Variants in CEACAM20 observed in about 807,000 individuals in gnomAD.
CEACAM20 encodes the protein CEA cell adhesion molecule 20.
A neutral mutation model predicts 61.2 loss-of-function variants in CEACAM20; 50 were observed. The observed-to-expected ratio is 0.82, with a 90% confidence interval of 0.65 to 1.03. The LOEUF is 1.03. Among genes scored for constraint, CEACAM20 ranks in the 50% least tolerant of loss-of-function variants. The probability of loss-of-function intolerance (pLI) is 0.00; values close to 1 mark genes in which losing one functional copy is unlikely to be tolerated. For missense variants in CEACAM20, 683 were observed against 736.4 expected (o/e 0.93, Z 0.84); for synonymous variants, 282 against 287.7 (o/e 0.98, Z 0.20).
chr19:44,517,502 T>C (rs1280591031), intron 5 of CEACAM20, among the ~76,000 whole-genome samples: 2 of 151,626 alleles, frequency 1.3e-5, no homozygotes, highest in African/African-American at 4.8e-5. Context: ...TCGAGACCAT[T>C]CTGGCTAACA....
chr19:44,529,382 AC>A, intron 1 of CEACAM20, 75 bp downstream of exon 1: 3 of 1,305,370 alleles, frequency 2.3e-6, no homozygotes, highest in Non-Finnish European at 3.3e-6. Flanking sequence ...ACACACACAC[AC>A]ACACACACAC....
rs117864804 is a variant in CEACAM20 at position 44,513,389 on chromosome 19, T to C, written c.1310-100A>G. 6.0e-3 allele frequency: 4,403 copies of C among 731,760 alleles called. 149 individuals carry two copies. In the Admixed American group the frequency reaches 0.064, roughly 11 times the overall value. The allele number at this position is 731,760 out of a possible 1,614,324, so 45.3% of individuals were successfully genotyped here. ...CAGCTTTTTCTCTACTGACATTTTG[T>C]GAGCACTTGTTTTCCAGTCGTTGGG... On this transcript the variant is annotated intron_variant, in intron 6 of 11. Coordinates refer to ENST00000614924, the MANE Select transcript of CEACAM20 (RefSeq NM_001102597.3).
At position 44,523,988 on chromosome 19, in the gene CEACAM20, T is replaced by A. The variant is rs770264649; in HGVS notation, c.470A>T (p.Lys157Met). 1 of 1,550,558 alleles carries A rather than the reference T, an allele frequency of 6.4e-7. No homozygotes were observed. The highest frequency in any genetic ancestry group is 1.2e-5 in the South Asian group (1 of 83,962). The change falls in exon 3 of 12, where the codon AAG becomes ATG. Residue 157 changes from lysine (K) to methionine (M), a missense_variant and splice_region_variant. Transcript: ENST00000614924. ...QRSDPIFLDV[K>M]YGPDPVEIKL... is the part of the protein sequence containing the mutation. The stretch of plus-strand genomic sequence containing the variant: ...GGAGAGAATGGAAAGGGACTCACAC[T>A]TCACATCCAGGAAGATGGGGTCGCT...
At chr19:44,520,796 C>A in intron 4 of CEACAM20, 44 bp from the exon 5 acceptor site, 1 of 1,579,878 alleles carries the variant, frequency 6.3e-7, no homozygotes. Context: ...GGGAGATTTC[C>A]CTCATCTCCT....
chr19:44,514,490 C>G (rs1392008369), intron 6 of CEACAM20, among the ~76,000 whole-genome samples: 2 of 151,842 alleles, frequency 1.3e-5, no homozygotes, highest in Non-Finnish European at 2.9e-5. Flanking sequence ...ACTCTGTTGC[C>G]CAGGCTGGAG....
At position 44,510,591 on chromosome 19, in the gene CEACAM20, A is replaced by G. The variant is rs1599663851; in HGVS notation, c.1737+439T>C. On this transcript the variant is annotated intron_variant, in intron 11 of 11. Coordinates refer to ENST00000614924, the MANE Select transcript of CEACAM20 (RefSeq NM_001102597.3). ...AAGAAAGAAAGAAAGAAAGAAAGAAAGAAAGAAAGAAAGAAAGAAAAAGGA... is the reference window on the plus strand; with the variant it reads ...AAGAAAGAAAGAAAGAAAGAAAGAAGGAAAGAAAGAAAGAAAGAAAAAGGA... Among the ~76,000 whole-genome samples the G allele has an allele frequency of 1.8e-3, 96 of 53,254 alleles. 4 individuals carry two copies. The highest frequency in any genetic ancestry group is 9.4e-3 in the African/African-American group (88 of 9,340). 34.9% of individuals were successfully genotyped at this position (53,254 alleles called of 152,430 possible). A position where few individuals can be genotyped will look rare whatever the true frequency, so the allele number is the denominator to read the frequency against.
chr19:44,526,953 A>G (rs1428715493), intron 1 of CEACAM20, among the ~76,000 whole-genome samples: 2 of 151,566 alleles, frequency 1.3e-5, no homozygotes, highest in Non-Finnish European at 2.9e-5. Flanking sequence ...CACGCAACTG[A>G]TCTCATCTCT....
intron 5 of CEACAM20, 64 bp from the exon 6 acceptor site, chr19:44,517,288 A>G: frequency 1.3e-6 from 2 of 1,563,308 alleles, no homozygotes; most frequent in Admixed American, 1.7e-5. Context: ...ATTCTGCCCC[A>G]TTCACTTTCA....
chr19:44,516,999 G>C lies in CEACAM20; in HGVS notation c.1256C>G (p.Ser419Cys). ...GCGGGCCAGGCCAGTGAGAGAGTTG[G>C]AGGCTGTGCAGTTGTAGATCCCGTC... Reference protein sequence around the residue: ...EHDGIYNCTASNSLTGLARST... With the variant: ...EHDGIYNCTACNSLTGLARST... The change falls in exon 6 of 12, where the codon TCC becomes TGC. Residue 419 changes from serine (S) to cysteine (C), a missense_variant. Ser to Cys is a moderately radical substitution (Grantham distance 112, BLOSUM62 -1). Coordinates refer to ENST00000614924, the MANE Select transcript of CEACAM20 (RefSeq NM_001102597.3). The C allele has an allele frequency of 6.3e-7, 1 of 1,598,022 alleles. No individual in the cohort carries two copies. The highest frequency in any genetic ancestry group is 8.5e-7 in the Non-Finnish European group (1 of 1,172,642).
At chr19:44,523,960 G>A in intron 3 of CEACAM20, 26 bp downstream of exon 3, 1 of 1,538,492 alleles carries the variant, frequency 6.5e-7, no homozygotes, top group Non-Finnish European at 8.8e-7. Context: ...TCAGTGAGGG[G>A]TTGGAGAGAA....
At chr19:44,519,890 C>A (rs1971302095) in intron 5 of CEACAM20, among the ~76,000 whole-genome samples, 1 of 152,180 alleles carries the variant, frequency 6.6e-6, no homozygotes. Context: ...CAGGCCCCTT[C>A]CTGGGAGATA....
intron 6 of CEACAM20, among the ~76,000 whole-genome samples, chr19:44,516,099 C>G (rs77860219): frequency 0.11 from 16,542 of 152,146 alleles, 963 homozygotes; most frequent in Middle Eastern, 0.22. Context: ...AGTAACTTGT[C>G]CAAGGTCACA....
chr19:44,525,004 T>A, intron 2 of CEACAM20, 97 bp downstream of exon 2: 1 of 1,492,244 alleles, frequency 6.7e-7, no homozygotes, highest in South Asian at 1.2e-5. Flanking sequence ...GCTGAGCCAA[T>A]CAGATTCGTC....
intron 11 of CEACAM20, among the ~76,000 whole-genome samples, chr19:44,506,787 T>C (rs960263976): frequency 6.6e-6 from 1 of 152,222 alleles, no homozygotes; most frequent in Non-Finnish European, 1.5e-5. Context: ...AGATGAGACC[T>C]GGGCTTTGAC....
At chr19:44,519,530 C>T (rs1971290013) in intron 5 of CEACAM20, among the ~76,000 whole-genome samples, 1 of 152,134 alleles carries the variant, frequency 6.6e-6, no homozygotes, top group Admixed American at 6.5e-5. Context: ...CCTCTTCTCC[C>T]CCAATCTTCT....
At chr19:44,516,869 G>A in intron 6 of CEACAM20, 77 bp downstream of exon 6, 2 of 1,497,348 alleles carry the variant, frequency 1.3e-6, no homozygotes, top group Middle Eastern at 2.3e-4. Context: ...CCCTCGGTAG[G>A]GGTAGACTAG....
chr19:44,515,265 C>G (rs190796758), intron 6 of CEACAM20, among the ~76,000 whole-genome samples: 44 of 144,060 alleles, frequency 3.1e-4, no homozygotes, highest in African/African-American at 1.1e-3. Context: ...ATAGAAGCTG[C>G]TATCTAGCAA....
At chr19:44,527,737 G>A (rs985368225) in intron 1 of CEACAM20, among the ~76,000 whole-genome samples, 2 of 152,204 alleles carry the variant, frequency 1.3e-5, no homozygotes, top group East Asian at 3.9e-4. Context: ...GGTTAGCCAG[G>A]AAGCGCCGGC....
intron 3 of CEACAM20, among the ~76,000 whole-genome samples, chr19:44,523,148 C>A (rs1041203918): frequency 6.6e-6 from 1 of 152,092 alleles, no homozygotes; most frequent in African/African-American, 2.4e-5. Context: ...GTAGCTCACA[C>A]CTGTAATCCC....
Sources: allele counts gnomAD v4.1 joint callset (sites outside exome capture counted in the v4.1 genomes callset), GRCh38; gene constraint gnomAD v4.1.1; transcripts MANE v1.5; gene names NCBI Gene and HGNC (gene_info 2026-07-23, HGNC 2026-07-21).